The following ZNF248 variants were observed in gnomAD, a reference collection of about 807,000 sequenced individuals.
ZNF248 encodes KRAB protein domain.
In ZNF248, 20 loss-of-function variants were observed where a neutral mutation model predicts 44.3. The ratio of observed to expected loss-of-function variants is 0.45; its 90% CI spans 0.32 to 0.66. The LOEUF (loss-of-function observed/expected upper bound fraction) is 0.66, where lower values mean the gene tolerates loss of function less well. ZNF248 is among the 30% of genes least tolerant of loss of function. The pLI is 0.04. For synonymous variants in ZNF248, 224 were observed against 229.0 expected, an observed-to-expected ratio of 0.98 and a Z score of 0.20; for missense variants, 654 against 677.0, an observed-to-expected ratio of 0.97 and a Z score of 0.38.
intron 6 of ZNF248, among the ~76,000 whole-genome samples, chr10:37,815,157 C>G (rs1332735679): frequency 6.6e-6 from 1 of 151,982 alleles, no homozygotes; most frequent in African/African-American, 2.4e-5. Flanking sequence ...ACCTCTGCCT[C>G]CTGGGTTCAA....
intron 6 of ZNF248, among the ~76,000 whole-genome samples, chr10:37,789,500 T>C (rs951988150): frequency 6.6e-6 from 1 of 152,202 alleles, no homozygotes; most frequent in African/African-American, 2.4e-5. Flanking sequence ...AGAAGTGTCT[T>C]TTTTGATAAC....
At chr10:37,848,299 T>C (rs900255778) in intron 3 of ZNF248, among the ~76,000 whole-genome samples, 3 of 147,448 alleles carry the variant, frequency 2.0e-5, no homozygotes, top group African/African-American at 7.6e-5. Flanking sequence ...AAAAACAGAA[T>C]ACAGCCAGGC....
intron 3 of ZNF248, among the ~76,000 whole-genome samples, chr10:37,846,885 C>T (rs1420458285): frequency 1.3e-5 from 2 of 152,178 alleles, no homozygotes; most frequent in African/African-American, 4.8e-5. Context: ...AAGAAACATA[C>T]ACCTCACAAA....
At chr10:37,833,614 CTTCT>C (rs1212280976) in intron 5 of ZNF248, among the ~76,000 whole-genome samples, 10 of 152,298 alleles carry the variant, frequency 6.6e-5, no homozygotes, top group African/African-American at 1.9e-4. Context: ...AGAGTACATG[CTTCT>C]TTCTATCTTT....
Position 37,829,038 on chromosome 10 carries a change from C to T in ZNF248, c.*2577G>A. On this transcript the variant is annotated 3_prime_UTR_variant, in exon 6 of 6. Coordinates refer to ENST00000395867, the MANE Select transcript of ZNF248 (RefSeq NM_021045.3). ...CATAGGAATTTACAGAAATGAATAA[C>T]ACTGTGCTGCTTATTCTCCATTTCT... 1.0e-6 allele frequency: 1 copy of T among 985,446 alleles called. No individual in the cohort carries two copies. The highest frequency in any genetic ancestry group is 1.2e-6 in the Non-Finnish European group (1 of 829,938). 61.0% of individuals were successfully genotyped at this position (985,446 alleles called of 1,614,324 possible).
At chr10:37,833,765 G>A (rs928622903) in intron 5 of ZNF248, among the ~76,000 whole-genome samples, 1 of 152,022 alleles carries the variant, frequency 6.6e-6, no homozygotes, top group Non-Finnish European at 1.5e-5. Flanking sequence ...TGTAGGAAAA[G>A]CATACTAGGG....
chr10:37,778,184 T>C (rs1443341622), intron 6 of ZNF248, among the ~76,000 whole-genome samples: 27 of 152,036 alleles, frequency 1.8e-4, no homozygotes, highest in African/African-American at 5.8e-4. Flanking sequence ...TCTCCACATC[T>C]TCTCCAGCAC....
At chr10:37,759,295 T>C in the ZNF248 span, among the ~76,000 whole-genome samples, 1 of 152,200 alleles carries the variant, frequency 6.6e-6, no homozygotes, top group Non-Finnish European at 1.5e-5. Flanking sequence ...TGTGCTGTGG[T>C]TCTTGGTTTA....
At chr10:37,821,076 G>T (rs1427121678) in intron 6 of ZNF248, 1 of 745,024 alleles carries the variant, frequency 1.3e-6, no homozygotes. Context: ...TCACTGAGAA[G>T]TAGGTCTACA....
At chr10:37,804,166 G>A (rs559057958) in intron 6 of ZNF248, among the ~76,000 whole-genome samples, 42 of 146,372 alleles carry the variant, frequency 2.9e-4, no homozygotes, top group African/African-American at 9.6e-4. Context: ...GTGCAGTGGC[G>A]TGATCTCGGC....
chr10:37,841,408 T>G (rs1403144075), intron 3 of ZNF248, among the ~76,000 whole-genome samples: 1 of 151,820 alleles, frequency 6.6e-6, no homozygotes, highest in African/African-American at 2.4e-5. Context: ...CTGACCACTT[T>G]GTTGTCCTTC....
chr10:37,808,587 T>C (rs1437965120), intron 6 of ZNF248, among the ~76,000 whole-genome samples: 1 of 152,096 alleles, frequency 6.6e-6, no homozygotes, highest in Admixed American at 6.6e-5. Context: ...ACCCAGCTGG[T>C]ACACAATCTT....
At chr10:37,771,472 G>C in the ZNF248 span, among the ~76,000 whole-genome samples, 2 of 152,054 alleles carry the variant, frequency 1.3e-5, no homozygotes, top group Non-Finnish European at 2.9e-5. Context: ...GTCCTTTGTA[G>C]GGACATGGAT....
chr10:37,826,361 G>C (rs1315363503), downstream of ZNF248, among the ~76,000 whole-genome samples: 1 of 152,142 alleles, frequency 6.6e-6, no homozygotes, highest in Non-Finnish European at 1.5e-5. Flanking sequence ...CTGTGGTAAA[G>C]TCATGTCAGT....
chr10:37,804,565 T>C (rs2050284105), intron 6 of ZNF248, among the ~76,000 whole-genome samples: 1 of 152,114 alleles, frequency 6.6e-6, no homozygotes, highest in South Asian at 2.1e-4. Flanking sequence ...TCCCGAATAG[T>C]TAGGACTACA....
At chr10:37,760,701 G>C in the ZNF248 span, among the ~76,000 whole-genome samples, 2 of 152,086 alleles carry the variant, frequency 1.3e-5, no homozygotes, top group Non-Finnish European at 2.9e-5. Flanking sequence ...TGGCATGGTG[G>C]TGCATGCCTG....
chr10:37,779,148 T>C (rs2046975677), intron 6 of ZNF248, among the ~76,000 whole-genome samples: 1 of 151,642 alleles, frequency 6.6e-6, no homozygotes, highest in Non-Finnish European at 1.5e-5. Context: ...GAGGGAATCC[T>C]CCCTAACTCA....
intron 3 of ZNF248, among the ~76,000 whole-genome samples, chr10:37,842,416 C>T (rs2134274506): frequency 6.6e-6 from 1 of 152,264 alleles, no homozygotes; most frequent in Admixed American, 6.5e-5. Context: ...AAATAAAAGG[C>T]AACTTCAAAA....
intron 3 of ZNF248, among the ~76,000 whole-genome samples, chr10:37,854,479 C>T (rs1381168865): frequency 1.3e-5 from 2 of 152,170 alleles, no homozygotes; most frequent in East Asian, 1.9e-4. Flanking sequence ...AAAACGTATT[C>T]AACCTCACTC....
Sources: allele counts gnomAD v4.1 joint callset (sites outside exome capture counted in the v4.1 genomes callset), GRCh38; gene constraint gnomAD v4.1.1; transcripts MANE v1.5; gene names NCBI Gene and HGNC (gene_info 2026-07-23, HGNC 2026-07-21).